FBXO8: variants seen among roughly 807,000 people sequenced by gnomAD.
FBXO8 encodes the protein F-box only protein 8.
FBXO8 carries 15 observed loss-of-function variants against 33.4 expected under a neutral mutation model. That is an observed-to-expected ratio of 0.45 (90% CI 0.30 to 0.69). The LOEUF is 0.69. Among genes scored for constraint, FBXO8 ranks in the 30% least tolerant of loss-of-function variants. The pLI is 0.08. For synonymous variants in FBXO8, 132 were observed against 131.5 expected, an observed-to-expected ratio of 1.00 and a Z score of -0.02; for missense variants, 274 against 380.3, an observed-to-expected ratio of 0.72 and a Z score of 2.32.
rs893518383 is a variant in FBXO8 at position 174,274,140 on chromosome 4, C to T, written c.-9+9270G>A. 3.3e-5 allele frequency among the ~76,000 whole-genome samples: 5 copies of T among 152,210 alleles called. No individual in the cohort carries two copies. The highest frequency in any genetic ancestry group is 5.9e-5 in the Non-Finnish European group (4 of 68,034). Reference sequence around the variant, plus strand: ...CCCCGTCACTGTTTATTACCTCCATCGTTGGTCCCAGCTGCAGCTGCTCTT... The same window carrying T: ...CCCCGTCACTGTTTATTACCTCCATTGTTGGTCCCAGCTGCAGCTGCTCTT... On this transcript the variant is annotated intron_variant, in intron 1 of 5. Coordinates refer to ENST00000393674, the MANE Select transcript of FBXO8 (RefSeq NM_012180.3). The surrounding 1 kb of genome is among the most constrained non-coding windows in gnomAD (Gnocchi z 4.0).
chr4:174,269,539 G>C (rs1736783395), intron 1 of FBXO8, among the ~76,000 whole-genome samples: 1 of 151,964 alleles, frequency 6.6e-6, no homozygotes, highest in Admixed American at 6.6e-5. Flanking sequence ...ACACAAATTA[G>C]CCTGGCATTG....
intron 5 of FBXO8, 126 bp downstream of exon 5, chr4:174,238,868 C>T: frequency 1.6e-6 from 1 of 613,856 alleles, no homozygotes. Flanking sequence ...CTGCTACAAA[C>T]AGTAAAACAA....
intron 5 of FBXO8, 137 bp downstream of exon 5, chr4:174,238,857 A>C (rs972459791): frequency 3.9e-5 from 21 of 536,190 alleles, no homozygotes; most frequent in Non-Finnish European, 6.2e-5. Context: ...GTAGTCAGTC[A>C]CTGCTACAAA....
rs1368451393 is a variant in FBXO8, at chr4:174,243,150, C to T, written c.457-1932G>A. Among the ~76,000 whole-genome samples the T allele has an allele frequency of 4.0e-5, 6 of 151,612 alleles. 1 individual carries two copies. In the South Asian group the frequency reaches 6.2e-4, roughly 16 times the overall value. ...GCCTCATGTAAACATCATAAAAATA[C>T]ACTGTTAGCCATATTCTGTTTTATA... On this transcript the variant is annotated intron_variant, in intron 3 of 5. Transcript: ENST00000393674.
chr4:174,259,900 C>G lies in FBXO8; in HGVS notation c.330-75G>C. 7.5e-7 allele frequency: 1 copy of G among 1,338,138 alleles called. No individual in the cohort carries two copies. The highest frequency in any genetic ancestry group is 1.0e-6 in the Non-Finnish European group (1 of 990,968). The allele number at this position is 1,338,138 out of a possible 1,614,324, so 82.9% of individuals were successfully genotyped here. ...CCTAAGTTAAATATGCATATACATG[C>G]AAAAATAGTAACATGAAATAAGATT... On this transcript the variant is annotated intron_variant, in intron 2 of 5. Coordinates refer to ENST00000393674, the MANE Select transcript of FBXO8 (RefSeq NM_012180.3). The surrounding 1 kb of genome is among the most constrained non-coding windows in gnomAD (Gnocchi z 4.3).
At chr4:174,250,852 T>A (rs1193330093) in intron 3 of FBXO8, among the ~76,000 whole-genome samples, 2 of 152,290 alleles carry the variant, frequency 1.3e-5, no homozygotes, top group Admixed American at 6.5e-5. Context: ...GAAAGACATG[T>A]AGAGGCAGAC....
chr4:174,282,902 T>C (rs1737162451), intron 1 of FBXO8, among the ~76,000 whole-genome samples: 3 of 152,312 alleles, frequency 2.0e-5, no homozygotes, highest in East Asian at 1.9e-4. Context: ...ACCCAGTCGC[T>C]GAGAAACAAA....
At chr4:174,266,248 A>T (rs1285993736) in intron 1 of FBXO8, among the ~76,000 whole-genome samples, 2 of 152,012 alleles carry the variant, frequency 1.3e-5, no homozygotes, top group Admixed American at 6.6e-5. Flanking sequence ...GTTCTTTAAA[A>T]AATAATAATA....
chr4:174,259,835 C>A lies in FBXO8; in HGVS notation c.330-10G>T. Reference sequence around the variant, plus strand: ...AGTGGATTTGCACAACCTATAAAATCAGAGAAAATGAGACAAGAAAACATT... The same window carrying A: ...AGTGGATTTGCACAACCTATAAAATAAGAGAAAATGAGACAAGAAAACATT... On this transcript the variant is annotated splice_polypyrimidine_tract_variant and intron_variant, in intron 2 of 5. Coordinates refer to ENST00000393674, the MANE Select transcript of FBXO8 (RefSeq NM_012180.3). This position sits in a 1 kb window ranked among gnomAD's most constrained non-coding sequence, Gnocchi z 4.3. The A allele has an allele frequency of 6.4e-7, 1 of 1,566,534 alleles. No homozygotes were observed. The highest frequency in any genetic ancestry group is 1.2e-5 in the South Asian group (1 of 82,884).
At position 174,281,336 on chromosome 4, in the gene FBXO8, T is replaced by C. The variant is rs561346819; in HGVS notation, c.-9+2074A>G. Reference sequence around the variant, plus strand: ...CTTGAAAAATACACGAACTGCTGACTAAATGGTTAAACTCCCTAAAGCTGT... The same window carrying C: ...CTTGAAAAATACACGAACTGCTGACCAAATGGTTAAACTCCCTAAAGCTGT... On this transcript the variant is annotated intron_variant, in intron 1 of 5. Coordinates refer to ENST00000393674, the MANE Select transcript of FBXO8 (RefSeq NM_012180.3). This position sits in a 1 kb window ranked among gnomAD's most constrained non-coding sequence, Gnocchi z 4.6. 6.6e-6 allele frequency among the ~76,000 whole-genome samples: 1 copy of C among 152,310 alleles called. No individual in the cohort carries two copies. The highest frequency in any genetic ancestry group is 2.4e-5 in the African/African-American group (1 of 41,576).
rs1201928426 is a variant in FBXO8, at chr4:174,256,365, G to A, written c.456+3334C>T. On this transcript the variant is annotated intron_variant, in intron 3 of 5. Transcript: ENST00000393674. The surrounding 1 kb of genome is among the most constrained non-coding windows in gnomAD (Gnocchi z 4.6). Reference sequence around the variant, plus strand: ...ACCTAAAATAATATATCTGATGACAGTGCTCCAGTGAGTGGGGAAAAAGAA... The same window carrying A: ...ACCTAAAATAATATATCTGATGACAATGCTCCAGTGAGTGGGGAAAAAGAA... Among the ~76,000 whole-genome samples the A allele has an allele frequency of 6.6e-6, 1 of 152,122 alleles. No individual in the cohort carries two copies. Among genetic ancestry groups the A allele is most frequent in the Non-Finnish European group, 1.5e-5 (1 of 68,034 alleles).
chr4:174,237,382 T>C lies in FBXO8; in HGVS notation c.*30A>G. On this transcript the variant is annotated 3_prime_UTR_variant, in exon 6 of 6. Coordinates refer to ENST00000393674, the MANE Select transcript of FBXO8 (RefSeq NM_012180.3). The surrounding 1 kb of genome is among the most constrained non-coding windows in gnomAD (Gnocchi z 4.4). ...GTCCTTGGGTAGCTTTAGTCTGAAG[T>C]AAAAACTGAAGTCCTAGCAATTGTG... is the stretch of plus-strand genomic sequence containing the variant. 6.3e-7 allele frequency: 1 copy of C among 1,590,336 alleles called. No individual in the cohort carries two copies. The highest frequency in any genetic ancestry group is 8.6e-7 in the Non-Finnish European group (1 of 1,165,242).
chr4:174,268,928 G>A (rs1486143950), intron 1 of FBXO8: 2 of 152,236 alleles, frequency 1.3e-5, no homozygotes, highest in East Asian at 3.9e-4. Flanking sequence ...GCTAAAGGCG[G>A]CAGAAGCACC....
chr4:174,247,257 T>C lies in FBXO8; in HGVS notation c.457-6039A>G, dbSNP rs1286980808. ...TTACATGATGTTTTGTTTTGTTTTA[T>C]TGGTGTCACTAATAAAACAAAACTG... On this transcript the variant is annotated intron_variant, in intron 3 of 5. Coordinates refer to ENST00000393674, the MANE Select transcript of FBXO8 (RefSeq NM_012180.3). This position sits in a 1 kb window ranked among gnomAD's most constrained non-coding sequence, Gnocchi z 4.6. Among the ~76,000 whole-genome samples, 4 of 152,168 alleles carry C rather than the reference T, an allele frequency of 2.6e-5. No individual in the cohort carries two copies. Among genetic ancestry groups the C allele is most frequent in the South Asian group, 2.1e-4 (1 of 4,828 alleles).
At chr4:174,271,024 C>G (rs772769777) in intron 1 of FBXO8, among the ~76,000 whole-genome samples, 2 of 151,952 alleles carry the variant, frequency 1.3e-5, no homozygotes, top group Non-Finnish European at 2.9e-5. Flanking sequence ...TTTTATGGAA[C>G]TTTTTTGGAA....
In FBXO8 at chr4:174,275,867, T is replaced by C. The variant is rs928507295; in HGVS notation, c.-9+7543A>G. On this transcript the variant is annotated intron_variant, in intron 1 of 5. Transcript: ENST00000393674. This position sits in a 1 kb window ranked among gnomAD's most constrained non-coding sequence, Gnocchi z 4.4. Reference sequence around the variant, plus strand: ...AATCCTTATAGACACAAATCCTAAATGATGTTTTGACCACTTACATAGGAT... The same window carrying C: ...AATCCTTATAGACACAAATCCTAAACGATGTTTTGACCACTTACATAGGAT... Among the ~76,000 whole-genome samples, 1 of 152,264 alleles carries C rather than the reference T, an allele frequency of 6.6e-6. No homozygotes were observed. The highest frequency in any genetic ancestry group is 2.4e-5 in the African/African-American group (1 of 41,570).
rs1446515712 is a variant in FBXO8, at chr4:174,277,840, T to A, written c.-9+5570A>T. 2.0e-5 allele frequency among the ~76,000 whole-genome samples: 3 copies of A among 152,174 alleles called. No homozygotes were observed. In the East Asian group the frequency reaches 5.8e-4, roughly 29 times the overall value. On this transcript the variant is annotated intron_variant, in intron 1 of 5. Transcript: ENST00000393674. This position sits in a 1 kb window ranked among gnomAD's most constrained non-coding sequence, Gnocchi z 4.9. ...CTAACGATAAGGAAATCCACTTATATGTTTTTATAAATTTTCAGTGCTTTT... is the reference window on the plus strand; with the variant it reads ...CTAACGATAAGGAAATCCACTTATAAGTTTTTATAAATTTTCAGTGCTTTT...
In FBXO8 at chr4:174,236,708, T is replaced by C. The variant is rs528862525; in HGVS notation, c.*704A>G. 9.2e-5 allele frequency: 14 copies of C among 152,308 alleles called. No homozygotes were observed. The East Asian group carries it at 2.1e-3, about 23-fold the overall frequency. The allele number at this position is 152,308 out of a possible 1,614,324, so 9.4% of individuals were successfully genotyped here. A position where few individuals can be genotyped will look rare whatever the true frequency, so the allele number is the denominator to read the frequency against. Reference sequence around the variant, plus strand: ...ATTTTATTCCTATGAATGTAAATCATAAATTTTGATGTTTTAAAAATCCTA... The same window carrying C: ...ATTTTATTCCTATGAATGTAAATCACAAATTTTGATGTTTTAAAAATCCTA... On this transcript the variant is annotated 3_prime_UTR_variant, in exon 6 of 6. Transcript: ENST00000393674.
chr4:174,248,447 G>A (rs983013295), intron 3 of FBXO8, among the ~76,000 whole-genome samples: 1 of 151,956 alleles, frequency 6.6e-6, no homozygotes, highest in Admixed American at 6.6e-5. Context: ...GAACTAAGAG[G>A]AAAGGGGGCA....
Sources: allele counts gnomAD v4.1 joint callset (sites outside exome capture counted in the v4.1 genomes callset), GRCh38; gene constraint gnomAD v4.1.1; non-coding constraint Gnocchi (gnomAD v3.1); transcripts MANE v1.5; gene names NCBI Gene and HGNC (gene_info 2026-07-23, HGNC 2026-07-21).